SPEF2: variants seen among roughly 807,000 people sequenced by gnomAD.
SPEF2 encodes the protein sperm flagellar and cilia associated 2.
In SPEF2, 187 loss-of-function variants were observed where a neutral mutation model predicts 224.6. That is an observed-to-expected ratio of 0.83 (90% confidence interval 0.74 to 0.94). SPEF2 has a LOEUF of 0.94. SPEF2 is among the 40% of genes least tolerant of loss of function. The pLI, the probability that SPEF2 is intolerant of heterozygous loss-of-function variation, is 0.00. For synonymous variants in SPEF2, 715 were observed against 707.3 expected (o/e 1.01, Z -0.17); for missense variants, 2,170 against 2,135.6 (o/e 1.02, Z -0.32).
chr5:35,708,235 T>C (rs1254958125), intron 18 of SPEF2, among the ~76,000 whole-genome samples: 1 of 152,108 alleles, frequency 6.6e-6, no homozygotes, highest in Non-Finnish European at 1.5e-5. Context: ...ATTGAAGATG[T>C]ATGTACTGTG....
chr5:35,790,696 G>A (rs147419550), intron 30 of SPEF2: 9 of 183,040 alleles, frequency 4.9e-5, no homozygotes, highest in Non-Finnish European at 1.0e-4. Flanking sequence ...CTATGATTAC[G>A]GTCTGAGTTC....
chr5:35,799,505 A>G (rs1189328322), intron 33 of SPEF2, among the ~76,000 whole-genome samples: 1 of 152,164 alleles, frequency 6.6e-6, no homozygotes, highest in Non-Finnish European at 1.5e-5. Context: ...GAACCAGTTT[A>G]AAGACTTTTT....
chr5:35,797,887 C>T (rs1756904576), intron 33 of SPEF2, among the ~76,000 whole-genome samples: 2 of 152,196 alleles, frequency 1.3e-5, no homozygotes, highest in African/African-American at 4.8e-5. Context: ...CACAGATCTG[C>T]ACCTCCAGGT....
intron 2 of SPEF2, among the ~76,000 whole-genome samples, chr5:35,635,428 T>C (rs1250547801): frequency 6.6e-6 from 1 of 152,192 alleles, no homozygotes; most frequent in Non-Finnish European, 1.5e-5. Flanking sequence ...CTGAGATAAC[T>C]TTACCATGAA....
intron 12 of SPEF2, among the ~76,000 whole-genome samples, chr5:35,693,270 C>A (rs950351811): frequency 7.2e-5 from 11 of 152,090 alleles, no homozygotes; most frequent in African/African-American, 2.7e-4. Flanking sequence ...GGTGTTGAAT[C>A]CCAGCAGGTA....
chr5:35,804,605 C>A (rs541534813), intron 34 of SPEF2, among the ~76,000 whole-genome samples: 1 of 152,136 alleles, frequency 6.6e-6, no homozygotes, highest in African/African-American at 2.4e-5. Context: ...TCTATACCAA[C>A]CCCCTAGAGA....
In SPEF2 at chr5:35,654,670, G is replaced by A. The variant is rs746638027; in HGVS notation, c.922G>A (p.Glu308Lys). 3 of 1,612,740 alleles carry A rather than the reference G, an allele frequency of 1.9e-6. No individual in the cohort carries two copies. In the Admixed American group the frequency reaches 5.0e-5, roughly 27 times the overall value. Residue 308 changes from glutamate (E) to lysine (K), a missense_variant, in exon 7 of 37, where the codon GAG becomes AAG. Physicochemically the swap from Glu to Lys is moderately conservative, Grantham distance 56. Transcript: ENST00000356031. Reference protein sequence around the residue: ...EEDAFAREQREKRRRKLLMDQ... With the variant: ...EEDAFAREQRKKRRRKLLMDQ... ...AGATGCTTTTGCACGAGAGCAAAGG[G>A]AGAAAAGACGGCGGAAATTGTTAAT...
chr5:35,760,231 CG>C (rs1751049696), intron 25 of SPEF2, among the ~76,000 whole-genome samples: 1 of 151,628 alleles, frequency 6.6e-6, no homozygotes, highest in Non-Finnish European at 1.5e-5. Context: ...GGCGTAGTGG[CG>C]GGCGCCTGTA....
At chr5:35,630,724 C>T (rs2149375951) in intron 2 of SPEF2, among the ~76,000 whole-genome samples, 1 of 152,126 alleles carries the variant, frequency 6.6e-6, no homozygotes, top group African/African-American at 2.4e-5. Flanking sequence ...AAATTTCTTC[C>T]ACCAGAAACC....
In SPEF2 at chr5:35,806,821, G is replaced by T; in HGVS notation, c.5125G>T (p.Glu1709Ter). The change falls in exon 35 of 37, where the codon GAA (glutamate) becomes TAA (stop). Residue 1709 changes from glutamate (E) to a stop codon, truncating the protein, a stop_gained. Coordinates refer to ENST00000356031, the MANE Select transcript of SPEF2 (RefSeq NM_024867.4). LOFTEE classifies it high-confidence loss of function. ...DTEKREQKDE[E>*]IPENANNEKM... ...GGAGAAAAGGGAACAGAAGGATGAA[G>T]AAATCCCTGAAAATGCAAACAATGA... is the stretch of plus-strand genomic sequence containing the variant. The T allele has an allele frequency of 6.2e-7, 1 of 1,613,942 alleles. No individual in the cohort carries two copies. The highest frequency in any genetic ancestry group is 8.5e-7 in the Non-Finnish European group (1 of 1,179,950).
chr5:35,715,791 T>A (rs1378857175), intron 20 of SPEF2, among the ~76,000 whole-genome samples: 1 of 147,660 alleles, frequency 6.8e-6, no homozygotes, highest in Non-Finnish European at 1.5e-5. Flanking sequence ...TTACTTTATT[T>A]CTGTGAAATA....
intron 10 of SPEF2, among the ~76,000 whole-genome samples, chr5:35,676,713 A>G (rs1752076153): frequency 6.6e-6 from 1 of 152,106 alleles, no homozygotes. Flanking sequence ...TGGGTGACAG[A>G]GTGAGACTCT....
At chr5:35,787,976 A>C (rs907432752) in intron 30 of SPEF2, 33 of 639,664 alleles carry the variant, frequency 5.2e-5, no homozygotes, top group African/African-American at 5.1e-4. Flanking sequence ...AATTTGGCTT[A>C]AAAAATATCC....
Position 35,700,585 on chromosome 5 carries a change from G to T in SPEF2, c.2231G>T (p.Cys744Phe), listed in dbSNP as rs200165081. Residue 744 changes from cysteine to phenylalanine, a missense_variant, in exon 16 of 37, where the codon TGC becomes TTC. Physicochemically the swap from Cys to Phe is radical, Grantham distance 205. Coordinates refer to ENST00000356031, the MANE Select transcript of SPEF2 (RefSeq NM_024867.4). ...AQLLEEALTG[C>F]NRNLTEVERK... ...CTTCTGGAAGAAGCTCTTACAGGCT[G>T]CAATAGAAACCTCACAGAAGTGGAA... is the stretch of plus-strand genomic sequence containing the variant. 140 of 1,613,702 alleles carry T rather than the reference G, an allele frequency of 8.7e-5. No individual in the cohort carries two copies. Among genetic ancestry groups the T allele is most frequent in the Non-Finnish European group, 7.9e-5 (93 of 1,179,940 alleles).
intron 26 of SPEF2, among the ~76,000 whole-genome samples, chr5:35,768,678 C>A (rs895100664): frequency 6.6e-6 from 1 of 152,030 alleles, no homozygotes; most frequent in African/African-American, 2.4e-5. Flanking sequence ...TTTAAAAAAT[C>A]TTATAGAAAG....
intron 33 of SPEF2, 83 bp downstream of exon 33, chr5:35,795,878 T>C: frequency 8.4e-7 from 1 of 1,195,280 alleles, no homozygotes; most frequent in Non-Finnish European, 1.2e-6. Flanking sequence ...GTAACTTGGC[T>C]GTGGACTGCA....
chr5:35,680,540 G>A (rs1489163491), intron 10 of SPEF2, among the ~76,000 whole-genome samples: 1 of 152,120 alleles, frequency 6.6e-6, no homozygotes, highest in Non-Finnish European at 1.5e-5. Flanking sequence ...TATTTATCGA[G>A]TGCCTACTTC....
chr5:35,767,540 T>G (rs1752249200), intron 26 of SPEF2, among the ~76,000 whole-genome samples: 1 of 151,924 alleles, frequency 6.6e-6, no homozygotes, highest in Non-Finnish European at 1.5e-5. Context: ...ACTAAGTGAT[T>G]TAGTGTGTGC....
intron 10 of SPEF2, among the ~76,000 whole-genome samples, chr5:35,684,979 G>A (rs938468508): frequency 1.3e-5 from 2 of 152,062 alleles, no homozygotes; most frequent in Admixed American, 6.5e-5. Flanking sequence ...TGTCTAATTC[G>A]AAGTATAAAT....
Sources: allele counts gnomAD v4.1 joint callset (sites outside exome capture counted in the v4.1 genomes callset), GRCh38; gene constraint gnomAD v4.1.1; transcripts MANE v1.5; gene names NCBI Gene and HGNC (gene_info 2026-07-23, HGNC 2026-07-21).